POMT1: variants seen among roughly 807,000 people sequenced by gnomAD.
POMT1 encodes the protein protein O-mannosyltransferase 1, also known as protein O-mannosyl-transferase 1.
A neutral mutation model predicts 101.6 loss-of-function variants in POMT1; 85 were observed. The ratio of observed to expected loss-of-function variants is 0.84; its 90% confidence interval spans 0.70 to 1.00. The LOEUF is 1.00. POMT1 is among the 50% of genes least tolerant of loss of function. The probability of loss-of-function intolerance (pLI) is 0.00; values close to 1 mark genes in which losing one functional copy is unlikely to be tolerated. For synonymous variants in POMT1, 371 were observed against 383.0 expected (o/e 0.97, Z 0.37); for missense variants, 857 against 930.4 (o/e 0.92, Z 1.03).
At chr9:131,508,328 C>T (rs941539517) in intron 5 of POMT1, among the ~76,000 whole-genome samples, 13 of 151,846 alleles carry the variant, frequency 8.6e-5, no homozygotes, top group Middle Eastern at 6.8e-3. Flanking sequence ...GTCAAGAGAT[C>T]GAGACCATCC....
Position 131,518,865 on chromosome 9 carries a change from G to A in POMT1, c.1394G>A (p.Gly465Glu). 6.2e-7 allele frequency: 1 copy of A among 1,614,012 alleles called. No homozygotes were observed. The highest frequency in any genetic ancestry group is 8.5e-7 in the Non-Finnish European group (1 of 1,180,040). Residue 465 changes from glycine (G) to glutamate (E), a missense_variant, in exon 15 of 20, where the codon GGG becomes GAG. Transcript: ENST00000402686. ...KLSGAHLPDW[G>E]YRQLEIVGEK... ...AGCGGGGCTCACCTCCCTGACTGGG[G>A]GTATCGGCAACTGGAGATCGTCGGG...
rs910130308 is a variant in POMT1, at chr9:131,503,872, G to C, written c.-30-317G>C. On this transcript the variant is annotated intron_variant, in intron 1 of 19. Coordinates refer to ENST00000402686, the MANE Select transcript of POMT1 (RefSeq NM_001077365.2). This position sits in a 1 kb window ranked among gnomAD's most constrained non-coding sequence, Gnocchi z 4.4. ...GCCGCACTGTGGGCTTCTGGTCGTC[G>C]GGGAGGGAGGGGAGAAACCCTGGCG... is the stretch of plus-strand genomic sequence containing the variant. Among the ~76,000 whole-genome samples, 7 of 152,142 alleles carry C rather than the reference G, an allele frequency of 4.6e-5. No homozygotes were observed. The highest frequency in any genetic ancestry group is 1.2e-4 in the African/African-American group (5 of 41,424).
Position 131,515,458 on chromosome 9 carries a change from C to T in POMT1, c.1208C>T (p.Ser403Leu). 1.2e-6 allele frequency: 2 copies of T among 1,614,226 alleles called. No individual in the cohort carries two copies. Among genetic ancestry groups the T allele is most frequent in the African/African-American group, 1.3e-5 (1 of 75,064 alleles). The change falls in exon 13 of 20, where the codon TCA (serine) becomes TTA (leucine). Residue 403 changes from serine to leucine, a missense_variant. By Grantham distance (145) the Ser-to-Leu change is moderately radical. Transcript: ENST00000402686. ...GTTGCAGCCCCCCTGAGCCCCCATT[C>T]ACAGGAGGTCTCCTGCTACATTGAC... The part of the protein sequence containing the change: ...HDVAAPLSPH[S>L]QEVSCYIDYN...
At position 131,508,921 on chromosome 9, in the gene POMT1, CA is replaced by C. The variant is rs1564341820; in HGVS notation, c.439del (p.Ile147SerfsTer6). The part of the protein sequence containing the change: ...ALLMLIENAL[I>X]TQSRLMLLES... ...TCCTCTTTGAAACAGAGAATGCTCT[CA>C]TCACTCAGTCAAGGCTAATGCTTTT... is the stretch of plus-strand genomic sequence containing the variant. On this transcript the variant is annotated frameshift_variant, in exon 6 of 20. Transcript: ENST00000402686. LOFTEE classifies it high-confidence loss of function. 6.2e-7 allele frequency: 1 copy of C among 1,610,802 alleles called. No homozygotes were observed. Among genetic ancestry groups the C allele is most frequent in the African/African-American group, 1.3e-5 (1 of 74,950 alleles).
At chr9:131,511,736 G>A (rs2131677342) in intron 10 of POMT1, 1 of 581,952 alleles carries the variant, frequency 1.7e-6, no homozygotes, top group Non-Finnish European at 3.0e-6. Flanking sequence ...TCGGCTCCTT[G>A]TCTGTGGTAT....
At chr9:131,518,085 C>T (rs945748072) in intron 13 of POMT1, 6 of 376,888 alleles carry the variant, frequency 1.6e-5, no homozygotes, top group Non-Finnish European at 2.6e-5. Flanking sequence ...GAGCTGTCTG[C>T]GAGTCCTGCC....
At chr9:131,517,793 A>G (rs1347322164) in intron 13 of POMT1, among the ~76,000 whole-genome samples, 1 of 152,192 alleles carries the variant, frequency 6.6e-6, no homozygotes, top group African/African-American at 2.4e-5. Flanking sequence ...AAGTTCATAG[A>G]ACAAGGAAGG....
Position 131,506,183 on chromosome 9 carries a change from T to C in POMT1, c.192T>C (p.Ser64=), listed in dbSNP as rs540156331. ...AACAAATCTTCTTCTTGGATGACAG[T>C]GGGCCGCCATTTGGCCACATGGTGC... The part of the protein sequence containing the change: ...YMKQIFFLDD[S]GPPFGHMVLA... Residue 64 remains serine (S), a synonymous_variant, in exon 3 of 20, where the codon AGT becomes AGC. Coordinates refer to ENST00000402686, the MANE Select transcript of POMT1 (RefSeq NM_001077365.2). The C allele has an allele frequency of 1.2e-6, 2 of 1,614,206 alleles. No individual in the cohort carries two copies. The highest frequency in any genetic ancestry group is 2.7e-5 in the African/African-American group (2 of 75,048).
rs1202793365 is a variant in POMT1 at position 131,519,916 on chromosome 9, C to T, written c.1585-164C>T. 6.6e-6 allele frequency among the ~76,000 whole-genome samples: 1 copy of T among 152,178 alleles called. No homozygotes were observed. The highest frequency in any genetic ancestry group is 1.5e-5 in the Non-Finnish European group (1 of 68,034). On this transcript the variant is annotated intron_variant, in intron 16 of 19. Transcript: ENST00000402686. This position sits in a 1 kb window ranked among gnomAD's most constrained non-coding sequence, Gnocchi z 4.3. ...GACCCTCCCAAGGCCACATTCAGGG[C>T]TGGAATCCAGGTTCTCATCATGCTG...
At chr9:131,517,145 T>C (rs777741092) in intron 13 of POMT1, among the ~76,000 whole-genome samples, 17 of 152,136 alleles carry the variant, frequency 1.1e-4, no homozygotes, top group Non-Finnish European at 2.2e-4. Flanking sequence ...GCTTTCTGCC[T>C]ACGCAGGCTC....
rs746589300 is a variant in POMT1 at position 131,520,158 on chromosome 9, A to G, written c.1663A>G (p.Thr555Ala). Residue 555 changes from threonine to alanine, a missense_variant, in exon 17 of 20, where the codon ACC (threonine) becomes GCC (alanine). Physicochemically the swap from Thr to Ala is moderately conservative, Grantham distance 58. Coordinates refer to ENST00000402686, the MANE Select transcript of POMT1 (RefSeq NM_001077365.2). ...SSPLEWVTLD[T>A]NIAYWLHPRT... ...CCCACTGGAGTGGGTCACCCTGGACACCAATATTGCCTACTGGCTGCACCC... is the reference window on the plus strand; with the variant it reads ...CCCACTGGAGTGGGTCACCCTGGACGCCAATATTGCCTACTGGCTGCACCC... 5 of 1,613,766 alleles carry G rather than the reference A, an allele frequency of 3.1e-6. No homozygotes were observed. The highest frequency in any genetic ancestry group is 3.4e-6 in the Non-Finnish European group (4 of 1,180,002).
In POMT1 at chr9:131,505,966, G is replaced by A. The variant is rs1945716481; in HGVS notation, c.123-148G>A. On this transcript the variant is annotated intron_variant, in intron 2 of 19. Transcript: ENST00000402686. ...TGCTGTATGCATCTTAATATTTGGGGATGGGAAACAATTGGGGCAAAAGAT... is the reference window on the plus strand; with the variant it reads ...TGCTGTATGCATCTTAATATTTGGGAATGGGAAACAATTGGGGCAAAAGAT... 51 of 1,069,828 alleles carry A rather than the reference G, an allele frequency of 4.8e-5. 2 individuals carry two copies. The South Asian group carries it at 6.8e-4, about 14-fold the overall frequency. 66.3% of individuals were successfully genotyped at this position (1,069,828 alleles called of 1,614,324 possible). A position where few individuals can be genotyped will look rare whatever the true frequency, so the allele number is the denominator to read the frequency against.
Position 131,503,657 on chromosome 9 carries a change from A to C in POMT1, c.-30-532A>C, listed in dbSNP as rs114911731. 1.0e-2 allele frequency among the ~76,000 whole-genome samples: 1,522 copies of C among 152,244 alleles called. 22 individuals are homozygous for C. The highest frequency in any genetic ancestry group is 0.013 in the Non-Finnish European group (861 of 67,996). ...GAGAACGTGGGGGCGCAGGGTGCAA[A>C]TGCACCCTCCAGGCGAGAAAGGGAG... On this transcript the variant is annotated intron_variant, in intron 1 of 19. Coordinates refer to ENST00000402686, the MANE Select transcript of POMT1 (RefSeq NM_001077365.2). This position sits in a 1 kb window ranked among gnomAD's most constrained non-coding sequence, Gnocchi z 4.4.
intron 4 of POMT1, chr9:131,506,676 T>C: frequency 1.7e-6 from 1 of 582,036 alleles, no homozygotes; most frequent in South Asian, 2.0e-5. Context: ...TTGCAGTCAT[T>C]ATTTCAGCCC....
At chr9:131,511,975 T>C (rs1203793298) in intron 10 of POMT1, 66 bp from the exon 11 acceptor site, 23 of 1,568,338 alleles carry the variant, frequency 1.5e-5, no homozygotes, top group Non-Finnish European at 2.0e-5. Flanking sequence ...CCTCCCAAAG[T>C]GCTCTGATTA....
In POMT1 at chr9:131,522,275, G is replaced by T; in HGVS notation, c.2003+51G>T. 1 of 1,606,458 alleles carries T rather than the reference G, an allele frequency of 6.2e-7. No individual in the cohort carries two copies. The highest frequency in any genetic ancestry group is 1.1e-5 in the South Asian group (1 of 91,008). ...TGGACCGGGCAGCAGCCCTCTGCTG[G>T]GAAGCCCATGCGCAGCAAACACATG... On this transcript the variant is annotated intron_variant, in intron 19 of 19. Coordinates refer to ENST00000402686, the MANE Select transcript of POMT1 (RefSeq NM_001077365.2). This position sits in a 1 kb window ranked among gnomAD's most constrained non-coding sequence, Gnocchi z 5.5.
At chr9:131,521,929 G>A in intron 18 of POMT1, 118 bp from the exon 19 acceptor site, 1 of 1,560,278 alleles carries the variant, frequency 6.4e-7, no homozygotes, top group Non-Finnish European at 8.7e-7. Flanking sequence ...CTGAGGCCAG[G>A]AGTTCAAAAC....
rs1375543898 is a variant in POMT1 at position 131,518,935 on chromosome 9, G to C, written c.1464G>C (p.Val488=). 2 of 1,613,618 alleles carry C rather than the reference G, an allele frequency of 1.2e-6. No individual in the cohort carries two copies. The highest frequency in any genetic ancestry group is 2.7e-5 in the African/African-American group (2 of 74,946). ...ACCACGGGAGCACGGTGTGGAACGT[G>C]GAGGAGCACCGATACGGCGCGAGTG... ...RGYHGSTVWN[V]EEHRYGASQE... is the part of the protein sequence containing the mutation. Residue 488 remains valine, a synonymous_variant, in exon 15 of 20, where the codon GTG becomes GTC. Transcript: ENST00000402686.
chr9:131,520,339 TA>T (rs1949665565), intron 17 of POMT1, 146 bp downstream of exon 17: 2 of 790,372 alleles, frequency 2.5e-6, no homozygotes, highest in African/African-American at 3.4e-5. Context: ...TGGTTTTCTC[TA>T]AACGCTTTGG....
Sources: gnomAD v4.1 joint callset for allele counts (sites outside exome capture counted in the v4.1 genomes callset) on GRCh38, gnomAD v4.1.1 for gene constraint, Gnocchi (gnomAD v3.1) non-coding constraint, MANE v1.5 for transcripts, NCBI Gene and HGNC (gene_info 2026-07-23, HGNC 2026-07-21) for gene names.